Variants in PTPRA observed in about 807,000 individuals in gnomAD.
PTPRA encodes the protein protein tyrosine phosphatase receptor type A, also known as receptor-type tyrosine-protein phosphatase alpha.
A neutral mutation model predicts 104.8 loss-of-function variants in PTPRA; 25 were observed. The ratio of observed to expected loss-of-function variants is 0.24; its 90% CI spans 0.17 to 0.33. PTPRA has a LOEUF of 0.33. Ranked by LOEUF, PTPRA falls within the 10% of genes least tolerant of loss-of-function variation. The pLI, the probability that PTPRA is intolerant of heterozygous loss-of-function variation, is 1.00. For synonymous variants in PTPRA, 323 were observed against 368.9 expected (o/e 0.88, Z 1.43); for missense variants, 765 against 1,015.3 (o/e 0.75, Z 3.35).
At chr20:2,888,712 T>A (rs927419506) in intron 1 of PTPRA, among the ~76,000 whole-genome samples, 7 of 152,296 alleles carry the variant, frequency 4.6e-5, no homozygotes, top group Admixed American at 1.3e-4. Context: ...TCTCTCCCCC[T>A]GCCTTTCAGC....
chr20:2,970,726 T>C (rs961142178), intron 5 of PTPRA, among the ~76,000 whole-genome samples: 2 of 152,182 alleles, frequency 1.3e-5, no homozygotes, highest in Non-Finnish European at 2.9e-5. Flanking sequence ...TTAGGTTTTC[T>C]AGGAATTGGG....
At chr20:2,981,564 G>A (rs1310073930) in intron 6 of PTPRA, among the ~76,000 whole-genome samples, 7 of 152,306 alleles carry the variant, frequency 4.6e-5, no homozygotes, top group African/African-American at 1.4e-4. Flanking sequence ...TTAGTGTGAC[G>A]TTGAGAAAAT....
chr20:3,013,951 C>A (rs1336704930), intron 11 of PTPRA, among the ~76,000 whole-genome samples: 1 of 152,126 alleles, frequency 6.6e-6, no homozygotes, highest in African/African-American at 2.4e-5. Context: ...AGGCATATGA[C>A]GCACTCCTGG....
intron 6 of PTPRA, among the ~76,000 whole-genome samples, chr20:2,979,022 C>A (rs551823912): frequency 1.3e-5 from 2 of 152,226 alleles, no homozygotes; most frequent in Non-Finnish European, 2.9e-5. Flanking sequence ...TTAGATCTCC[C>A]ATTAACTCTA....
chr20:3,024,438 G>A (rs1472911696), intron 16 of PTPRA, 34 bp from the exon 17 acceptor site: 1 of 1,600,354 alleles, frequency 6.2e-7, no homozygotes, highest in South Asian at 1.1e-5. Flanking sequence ...TATGTTGTAT[G>A]TAACCAAGAA....
Position 2,984,696 on chromosome 20 carries a change from TA to T in PTPRA, c.443-2067del, listed in dbSNP as rs529586818. Among the ~76,000 whole-genome samples the T allele has an allele frequency of 3.3e-5, 5 of 152,238 alleles. No individual in the cohort carries two copies. In the South Asian group the frequency reaches 1.0e-3, roughly 32 times the overall value. ...ATCATTACAATGGACTCCCAAGTCC[TA>T]AGTCTGCTGGCTTTTGCCCACCTCT... is the stretch of plus-strand genomic sequence containing the variant. On this transcript the variant is annotated intron_variant, in intron 6 of 23. Transcript: ENST00000399903.
rs551756299 is a variant in PTPRA at position 2,985,542 on chromosome 20, G to A, written c.443-1223G>A. Among the ~76,000 whole-genome samples, 413 of 152,242 alleles carry A rather than the reference G, an allele frequency of 2.7e-3. 2 individuals carry two copies. The highest frequency in any genetic ancestry group is 9.4e-3 in the African/African-American group (390 of 41,546). On this transcript the variant is annotated intron_variant, in intron 6 of 23. Transcript: ENST00000399903. ...GAGTCGGGTGGAGGGTGAGAGTGGA[G>A]GCGGATGAGTCAGTGCCTGGCCAGC...
chr20:2,916,959 C>CTT (rs35317223), intron 1 of PTPRA, among the ~76,000 whole-genome samples: 9,130 of 131,466 alleles, frequency 0.069, 997 homozygotes, highest in African/African-American at 0.21. Flanking sequence ...TTTTTTATTT[C>CTT]TTTTTTTTTT....
At chr20:2,874,109 A>AG (rs1367425698) in intron 1 of PTPRA, among the ~76,000 whole-genome samples, 8 of 152,188 alleles carry the variant, frequency 5.3e-5, no homozygotes, top group Admixed American at 1.3e-4. Context: ...ATTTAATGGG[A>AG]GGAAAGAGGA....
chr20:2,879,994 A>T (rs1487416892), intron 1 of PTPRA, among the ~76,000 whole-genome samples: 2 of 152,212 alleles, frequency 1.3e-5, no homozygotes, highest in Non-Finnish European at 2.9e-5. Flanking sequence ...GGTGATTCTA[A>T]TGTGTAGCCA....
At chr20:2,866,784 A>T in the PTPRA span, 2 of 693,324 alleles carry the variant, frequency 2.9e-6, no homozygotes, top group Non-Finnish European at 4.6e-6. Context: ...TCAAGACAGG[A>T]TCCTCCAGAC....
chr20:2,982,164 C>T (rs1458376034), intron 6 of PTPRA, among the ~76,000 whole-genome samples: 1 of 149,596 alleles, frequency 6.7e-6, no homozygotes, highest in African/African-American at 2.5e-5. Flanking sequence ...GATCTTGGCT[C>T]ACTGAAACCT....
intron 5 of PTPRA, among the ~76,000 whole-genome samples, chr20:2,965,699 A>G (rs1568673190): frequency 6.6e-6 from 1 of 152,220 alleles, no homozygotes; most frequent in Non-Finnish European, 1.5e-5. Context: ...ATGGACATTG[A>G]TGTCCATGAC....
chr20:2,939,308 T>C (rs1462870573), intron 2 of PTPRA, among the ~76,000 whole-genome samples: 1 of 152,186 alleles, frequency 6.6e-6, no homozygotes, highest in Non-Finnish European at 1.5e-5. Flanking sequence ...TTCTGTAGTT[T>C]TGCTGGGATT....
chr20:2,929,374 A>T (rs2060426839), intron 2 of PTPRA, among the ~76,000 whole-genome samples: 1 of 152,030 alleles, frequency 6.6e-6, no homozygotes, highest in South Asian at 2.1e-4. Context: ...GTATTTCTTC[A>T]GTTTTATTTA....
chr20:2,998,278 G>A (rs1175482595), intron 9 of PTPRA, among the ~76,000 whole-genome samples: 1 of 152,012 alleles, frequency 6.6e-6, no homozygotes, highest in Non-Finnish European at 1.5e-5. Context: ...CAGAATCTGT[G>A]CGATGTGAGA....
intron 18 of PTPRA, 32 bp downstream of exon 18, chr20:3,026,812 T>C (rs1271671907): frequency 2.1e-5 from 32 of 1,528,340 alleles, no homozygotes; most frequent in Non-Finnish European, 2.5e-5. Flanking sequence ...CAAAGCCTTA[T>C]TGCCCCATCC....
chr20:3,003,090 T>C (rs2063710243), intron 9 of PTPRA, among the ~76,000 whole-genome samples: 3 of 152,226 alleles, frequency 2.0e-5, no homozygotes, highest in Admixed American at 1.3e-4. Context: ...TCATCTCTAG[T>C]AGCATTCTGT....
the PTPRA span, chr20:2,865,231 A>G: frequency 1.2e-6 from 2 of 1,614,188 alleles, no homozygotes. The surrounding 1 kb of genome is among the most constrained non-coding windows in gnomAD (Gnocchi z 5.2). Flanking sequence ...ACCTGTCTCT[A>G]CATGACACAG....
Sources: allele counts gnomAD v4.1 joint callset (sites outside exome capture counted in the v4.1 genomes callset), GRCh38; gene constraint gnomAD v4.1.1; non-coding constraint Gnocchi (gnomAD v3.1); transcripts MANE v1.5; gene names NCBI Gene and HGNC (gene_info 2026-07-23, HGNC 2026-07-21).